PAK2: variants seen among roughly 807,000 people sequenced by gnomAD.
PAK2 encodes serine/threonine-protein kinase PAK 2.
PAK2 carries 21 observed loss-of-function variants against 65.9 expected under a neutral mutation model. The observed-to-expected ratio is 0.32, with a 90% CI of 0.23 to 0.46. PAK2 has a LOEUF of 0.46. PAK2 is among the 20% of genes least tolerant of loss of function. The pLI, the probability that PAK2 is intolerant of heterozygous loss-of-function variation, is 1.00. For synonymous variants in PAK2, 204 were observed against 219.7 expected (o/e 0.93, Z 0.63); for missense variants, 324 against 642.6 (o/e 0.50, Z 5.36).
chr3:196,749,985 ATTTC>A (rs1429305060), intron 1 of PAK2, among the ~76,000 whole-genome samples: 1 of 106,080 alleles, frequency 9.4e-6, no homozygotes, highest in Non-Finnish European at 2.1e-5. Flanking sequence ...TTACCTGGCT[ATTTC>A]TTTTTTTTTT....
intron 13 of PAK2, among the ~76,000 whole-genome samples, chr3:196,825,500 G>T (rs556945759): frequency 6.7e-6 from 1 of 149,868 alleles, no homozygotes; most frequent in South Asian, 2.1e-4. Flanking sequence ...AAAATTAGCC[G>T]GGCATTTTGG....
At chr3:196,776,671 T>C (rs542389460) in intron 1 of PAK2, among the ~76,000 whole-genome samples, 1 of 152,328 alleles carries the variant, frequency 6.6e-6, no homozygotes, top group South Asian at 2.1e-4. Context: ...TAACGAGATG[T>C]GTCAACATTG....
intron 13 of PAK2, among the ~76,000 whole-genome samples, chr3:196,821,116 C>G (rs1190326729): frequency 6.6e-6 from 1 of 152,168 alleles, no homozygotes; most frequent in African/African-American, 2.4e-5. Flanking sequence ...GCTGGCATTA[C>G]AGGTGTGAAC....
rs1403489606 is a variant in PAK2 at position 196,791,919 on chromosome 3, C to T, written c.187+9086C>T. On this transcript the variant is annotated intron_variant, in intron 2 of 14. Transcript: ENST00000327134. The surrounding 1 kb of genome is among the most constrained non-coding windows in gnomAD (Gnocchi z 4.0). Reference sequence around the variant, plus strand: ...CAACCTGGGCGACAGAGCGAGACTCCGTCAAAAAAAAAAAAAAAGAAATAG... The same window carrying T: ...CAACCTGGGCGACAGAGCGAGACTCTGTCAAAAAAAAAAAAAAAGAAATAG... Among the ~76,000 whole-genome samples, 11 of 124,436 alleles carry T rather than the reference C, an allele frequency of 8.8e-5. No homozygotes were observed. In the East Asian group the frequency reaches 1.0e-3, roughly 12 times the overall value. The allele number at this position is 124,436 out of a possible 152,430, so 81.6% of individuals were successfully genotyped here. A position where few individuals can be genotyped will look rare whatever the true frequency, so the allele number is the denominator to read the frequency against.
intron 2 of PAK2, among the ~76,000 whole-genome samples, chr3:196,795,492 A>C (rs925467230): frequency 1.3e-5 from 2 of 151,926 alleles, no homozygotes; most frequent in Non-Finnish European, 2.9e-5. Flanking sequence ...ACAACAACAA[A>C]AACACAGTGA....
At chr3:196,792,350 G>C (rs528719123) in intron 2 of PAK2, among the ~76,000 whole-genome samples, 1 of 152,152 alleles carries the variant, frequency 6.6e-6, no homozygotes, top group African/African-American at 2.4e-5. Flanking sequence ...TTGAGTGCAC[G>C]ACCTCAAATT....
chr3:196,784,627 T>C (rs1306337861), intron 2 of PAK2, among the ~76,000 whole-genome samples: 2 of 139,576 alleles, frequency 1.4e-5, no homozygotes, highest in Admixed American at 7.5e-5. Flanking sequence ...AGTCTATCAT[T>C]GTTGGACATT....
At chr3:196,784,541 A>G (rs1270787002) in intron 2 of PAK2, among the ~76,000 whole-genome samples, 21 of 117,152 alleles carry the variant, frequency 1.8e-4, no homozygotes, top group Middle Eastern at 3.8e-3. Context: ...CCATGTCCCT[A>G]CAAAGGACAT....
chr3:196,806,030 G>A (rs1715574265), intron 5 of PAK2, among the ~76,000 whole-genome samples: 1 of 151,842 alleles, frequency 6.6e-6, no homozygotes, highest in Non-Finnish European at 1.5e-5. Flanking sequence ...TCCTGCCTCA[G>A]CCTCCCGAGT....
chr3:196,742,652 C>T (rs977816628), intron 1 of PAK2, among the ~76,000 whole-genome samples: 4 of 152,144 alleles, frequency 2.6e-5, no homozygotes, highest in South Asian at 2.1e-4. Flanking sequence ...CGGTGGCTCA[C>T]GCCTGTAATC....
chr3:196,759,490 T>TTTTTTTTG (rs1560092737), intron 1 of PAK2, among the ~76,000 whole-genome samples: 2 of 108,368 alleles, frequency 1.8e-5, no homozygotes, highest in South Asian at 3.4e-4. Flanking sequence ...AGTTAAGTGG[T>TTTTTTTTG]TTTTTTTGTT....
At chr3:196,815,007 G>C (rs574220702) in intron 11 of PAK2, among the ~76,000 whole-genome samples, 7 of 151,574 alleles carry the variant, frequency 4.6e-5, no homozygotes, top group East Asian at 2.0e-4. Flanking sequence ...GTGAAACCCT[G>C]TCTCTACTAA....
intron 2 of PAK2, among the ~76,000 whole-genome samples, chr3:196,797,126 A>G (rs1004580968): frequency 6.6e-6 from 1 of 152,214 alleles, no homozygotes; most frequent in African/African-American, 2.4e-5. Flanking sequence ...TAACAGTAGA[A>G]TATACATTCT....
At chr3:196,813,960 T>TAA (rs1373746774) in intron 10 of PAK2, among the ~76,000 whole-genome samples, 2 of 151,974 alleles carry the variant, frequency 1.3e-5, no homozygotes, top group African/African-American at 4.8e-5. Flanking sequence ...AAAAAATAAA[T>TAA]AAAAAATAAA....
intron 5 of PAK2, among the ~76,000 whole-genome samples, chr3:196,806,077 A>C (rs1475687530): frequency 4.0e-5 from 6 of 151,532 alleles, no homozygotes; most frequent in Non-Finnish European, 5.9e-5. Flanking sequence ...ACGACCAGCT[A>C]ATTTTTTGTG....
chr3:196,810,100 C>G (rs1293670081), intron 7 of PAK2, among the ~76,000 whole-genome samples: 2 of 151,596 alleles, frequency 1.3e-5, no homozygotes, highest in African/African-American at 2.4e-5. Context: ...GTTTAGATAG[C>G]CTTTATTATT....
At chr3:196,750,581 G>A (rs1713540478) in intron 1 of PAK2, among the ~76,000 whole-genome samples, 1 of 151,890 alleles carries the variant, frequency 6.6e-6, no homozygotes, top group South Asian at 2.1e-4. Flanking sequence ...TTAAATTCCT[G>A]TTGTACTTTG....
intron 8 of PAK2, 152 bp downstream of exon 8, chr3:196,810,805 T>TAAA (rs1715753885): frequency 1.8e-6 from 1 of 555,904 alleles, no homozygotes; most frequent in African/African-American, 1.9e-5. Context: ...AATAATGCAG[T>TAAA]TATTTGTAGA....
chr3:196,828,360 A>G lies in PAK2; in HGVS notation c.1530A>G (p.Thr510=). ...TGGCCAAACCGTTATCTAGCTTGAC[A>G]CCACTGATCATGGCAGCTAAAGAAG... ...LKLAKPLSSL[T]PLIMAAKEAM... Residue 510 remains threonine, a synonymous_variant, in exon 15 of 15, where the codon ACA becomes ACG. Coordinates refer to ENST00000327134, the MANE Select transcript of PAK2 (RefSeq NM_002577.4). 6.2e-7 allele frequency: 1 copy of G among 1,611,386 alleles called. No homozygotes were observed. The highest frequency in any genetic ancestry group is 8.5e-7 in the Non-Finnish European group (1 of 1,178,122).
Sources: allele counts gnomAD v4.1 joint callset (sites outside exome capture counted in the v4.1 genomes callset), GRCh38; gene constraint gnomAD v4.1.1; non-coding constraint Gnocchi (gnomAD v3.1); transcripts MANE v1.5; gene names NCBI Gene and HGNC (gene_info 2026-07-23, HGNC 2026-07-21).